CADPS2: variants seen among roughly 807,000 people sequenced by gnomAD.
CADPS2 encodes the protein calcium dependent secretion activator 2, also known as calcium-dependent secretion activator 2.
A neutral mutation model predicts 172.5 loss-of-function variants in CADPS2; 93 were observed. That is an observed-to-expected ratio of 0.54 (90% CI 0.46 to 0.64). The LOEUF (loss-of-function observed/expected upper bound fraction) is 0.64. CADPS2 is among the 30% of genes least tolerant of loss of function. CADPS2 has a pLI of 0.00. For synonymous variants in CADPS2, 546 were observed against 555.2 expected (o/e 0.98, Z 0.23); for missense variants, 1,420 against 1,565.9 (o/e 0.91, Z 1.57).
rs75533243 is a variant in CADPS2, at chr7:122,725,122, G to A, written c.453+11833C>T. Reference sequence around the variant, plus strand: ...AATGTAATGTGATATGAAAATATATGTGTTTCTTTTGGTGATAATGACACA... The same window carrying A: ...AATGTAATGTGATATGAAAATATATATGTTTCTTTTGGTGATAATGACACA... On this transcript the variant is annotated intron_variant, in intron 2 of 29. Coordinates refer to ENST00000449022, the MANE Select transcript of CADPS2 (RefSeq NM_017954.11). Among the ~76,000 whole-genome samples, 36 of 152,130 alleles carry A rather than the reference G, an allele frequency of 2.4e-4. No homozygotes were observed. In the East Asian group the frequency reaches 5.8e-3, roughly 25 times the overall value.
At chr7:122,406,240 A>G (rs1004585322) in intron 20 of CADPS2, among the ~76,000 whole-genome samples, 1 of 152,254 alleles carries the variant, frequency 6.6e-6, no homozygotes, top group African/African-American at 2.4e-5. Context: ...GACTAGAGCC[A>G]TGAACAAAAC....
At chr7:122,816,765 C>T (rs1801547546) in intron 1 of CADPS2, among the ~76,000 whole-genome samples, 1 of 152,160 alleles carries the variant, frequency 6.6e-6, no homozygotes, top group South Asian at 2.1e-4. Context: ...CCATCGCATC[C>T]CCTGTGACTT....
intron 23 of CADPS2, 89 bp from the exon 24 acceptor site, chr7:122,387,262 TA>T: frequency 1.5e-6 from 2 of 1,318,220 alleles, no homozygotes; most frequent in Non-Finnish European, 2.1e-6. Flanking sequence ...TACAAGATGC[TA>T]ATTTAAAACA....
At chr7:122,814,844 G>C (rs910146465) in intron 1 of CADPS2, among the ~76,000 whole-genome samples, 3 of 152,126 alleles carry the variant, frequency 2.0e-5, no homozygotes, top group African/African-American at 7.2e-5. Context: ...AAGAAACTAT[G>C]ATGTCAACCA....
chr7:122,877,779 G>A (rs1821599583), intron 1 of CADPS2, among the ~76,000 whole-genome samples: 1 of 152,060 alleles, frequency 6.6e-6, no homozygotes, highest in Non-Finnish European at 1.5e-5. Context: ...TTAACAACTA[G>A]AAACGATAGC....
chr7:122,814,647 T>G (rs1309574505), intron 1 of CADPS2, among the ~76,000 whole-genome samples: 1 of 151,982 alleles, frequency 6.6e-6, no homozygotes, highest in African/African-American at 2.4e-5. Flanking sequence ...AACAGCAGAG[T>G]TGAACTGTCA....
intron 2 of CADPS2, among the ~76,000 whole-genome samples, chr7:122,718,984 T>C (rs1348940382): frequency 6.6e-6 from 1 of 151,908 alleles, no homozygotes; most frequent in African/African-American, 2.4e-5. Context: ...AATAAAACTT[T>C]TAGGACTGAC....
chr7:122,596,745 A>C (rs1466104846), intron 6 of CADPS2, among the ~76,000 whole-genome samples: 1 of 152,100 alleles, frequency 6.6e-6, no homozygotes, highest in Non-Finnish European at 1.5e-5. Flanking sequence ...CAGACTTTCG[A>C]ATCTAAGAGG....
At chr7:122,701,243 T>C (rs979275087) in intron 2 of CADPS2, among the ~76,000 whole-genome samples, 11 of 152,192 alleles carry the variant, frequency 7.2e-5, no homozygotes, top group African/African-American at 2.2e-4. Context: ...ATATACACCA[T>C]GGAATACTAT....
Position 122,645,376 on chromosome 7 carries a change from CAT to C in CADPS2, c.787-16050_787-16049del, listed in dbSNP as rs1213152600. 2.1e-4 allele frequency among the ~76,000 whole-genome samples: 17 copies of C among 81,344 alleles called. 1 individual carries two copies. The highest frequency in any genetic ancestry group is 6.8e-4 in the Admixed American group (6 of 8,776). The allele number at this position is 81,344 out of a possible 152,430, so 53.4% of individuals were successfully genotyped here. On this transcript the variant is annotated intron_variant, in intron 3 of 29. Coordinates refer to ENST00000449022, the MANE Select transcript of CADPS2 (RefSeq NM_017954.11). Reference sequence around the variant, plus strand: ...GTGTATACATGTACATGTATACACACATATGTACATGTGTGTGTATATATGTA... The same window carrying C: ...GTGTATACATGTACATGTATACACACATGTACATGTGTGTGTATATATGTA...
At chr7:122,518,440 A>T (rs964373099) in intron 8 of CADPS2, among the ~76,000 whole-genome samples, 4 of 152,066 alleles carry the variant, frequency 2.6e-5, no homozygotes, top group Non-Finnish European at 5.9e-5. Context: ...TGTCTTAAAA[A>T]ATTTGTTTTT....
rs542912406 is a variant in CADPS2 at position 122,840,889 on chromosome 7, C to T, written c.339+45110G>A. On this transcript the variant is annotated intron_variant, in intron 1 of 29. Transcript: ENST00000449022. Reference sequence around the variant, plus strand: ...CAATGTTTAGTAAAGAAGCCATGTACATAATAAAAAATTGCAGTCTCTTAT... The same window carrying T: ...CAATGTTTAGTAAAGAAGCCATGTATATAATAAAAAATTGCAGTCTCTTAT... Among the ~76,000 whole-genome samples, 9 of 152,026 alleles carry T rather than the reference C, an allele frequency of 5.9e-5. No homozygotes were observed. The South Asian group carries it at 1.2e-3, about 21-fold the overall frequency.
rs544751101 is a variant in CADPS2, at chr7:122,757,337, C to T, written c.340-20269G>A. On this transcript the variant is annotated intron_variant, in intron 1 of 29. Transcript: ENST00000449022. The stretch of plus-strand genomic sequence containing the variant: ...CTAATTTTTGTATTTTTTGTAGAGA[C>T]GGGGTTTCGCCAAGTTGTCCAGGCT... Among the ~76,000 whole-genome samples the T allele has an allele frequency of 3.3e-5, 5 of 151,940 alleles. No homozygotes were observed. In the South Asian group the frequency reaches 8.3e-4, roughly 25 times the overall value.
intron 2 of CADPS2, chr7:122,702,372 C>A (rs368049014): frequency 1.2e-6 from 2 of 1,613,660 alleles, no homozygotes; most frequent in African/African-American, 2.7e-5. Flanking sequence ...TAGATGATCA[C>A]CCCATTTGCT....
At chr7:122,790,456 G>C (rs982668238) in intron 1 of CADPS2, among the ~76,000 whole-genome samples, 5 of 151,214 alleles carry the variant, frequency 3.3e-5, no homozygotes, top group Non-Finnish European at 5.9e-5. Context: ...CTTCAAATGG[G>C]ATTTTATTAA....
chr7:122,821,706 G>A (rs1391931221), intron 1 of CADPS2, among the ~76,000 whole-genome samples: 1 of 152,116 alleles, frequency 6.6e-6, no homozygotes. Context: ...CAGGCTCTTA[G>A]TATTCTGTGA....
chr7:122,320,521 T>C (rs1167149307), intron 29 of CADPS2, among the ~76,000 whole-genome samples, 183 bp from the exon 30 acceptor site: 1 of 152,194 alleles, frequency 6.6e-6, no homozygotes, highest in Non-Finnish European at 1.5e-5. Context: ...ACTCTGGCTA[T>C]TGCTTCAAAC....
At chr7:122,761,680 A>G (rs1410133117) in intron 1 of CADPS2, among the ~76,000 whole-genome samples, 1 of 151,860 alleles carries the variant, frequency 6.6e-6, no homozygotes, top group African/African-American at 2.4e-5. Flanking sequence ...TATTAAGCAA[A>G]CAAAAAAAAA....
intron 25 of CADPS2, among the ~76,000 whole-genome samples, chr7:122,374,817 C>T (rs934088218): frequency 6.6e-6 from 1 of 152,022 alleles, no homozygotes; most frequent in Non-Finnish European, 1.5e-5. Flanking sequence ...CAGGTGTATA[C>T]CTATGTAGCA....
Sources: gnomAD v4.1 joint callset for allele counts (sites outside exome capture counted in the v4.1 genomes callset) on GRCh38, gnomAD v4.1.1 for gene constraint, MANE v1.5 for transcripts, NCBI Gene and HGNC (gene_info 2026-07-23, HGNC 2026-07-21) for gene names.